Variants in NRXN3 observed in about 807,000 individuals in gnomAD.
NRXN3 encodes the protein neurexin III.
Under a neutral mutation model 137.6 loss-of-function variants are expected in NRXN3, and 32 were observed. The observed-to-expected ratio is 0.23, with a 90% CI of 0.18 to 0.31. NRXN3 has a LOEUF of 0.31. NRXN3 is among the 10% of genes least tolerant of loss of function. The probability of loss-of-function intolerance (pLI) is 1.00; values close to 1 mark genes in which losing one functional copy is unlikely to be tolerated. For synonymous variants in NRXN3, 798 were observed against 784.5 expected, an observed-to-expected ratio of 1.02 and a Z score of -0.29; for missense variants, 1,574 against 2,062.5, an observed-to-expected ratio of 0.76 and a Z score of 4.59.
intron 4 of NRXN3, among the ~76,000 whole-genome samples, chr14:78,431,005 C>T (rs1217340074): frequency 6.6e-6 from 1 of 152,126 alleles, no homozygotes; most frequent in Non-Finnish European, 1.5e-5. Flanking sequence ...CCCTTGTTTT[C>T]TAATTCTTAA....
intron 7 of NRXN3, among the ~76,000 whole-genome samples, chr14:78,711,681 T>A (rs772054213): frequency 2.6e-5 from 4 of 152,184 alleles, no homozygotes; most frequent in Non-Finnish European, 5.9e-5. Flanking sequence ...CCTCAGATGA[T>A]CAACCCATCT....
At chr14:78,220,411 A>G (rs568577412) in intron 1 of NRXN3, among the ~76,000 whole-genome samples, 1 of 152,204 alleles carries the variant, frequency 6.6e-6, no homozygotes, top group East Asian at 1.9e-4. Flanking sequence ...ATGCAGCAGG[A>G]AGGCCTGGGA....
intron 16 of NRXN3, among the ~76,000 whole-genome samples, chr14:79,624,813 G>GT (rs202129385): frequency 0.033 from 4,482 of 136,190 alleles, 126 homozygotes; most frequent in Non-Finnish European, 0.048. Flanking sequence ...GTTTGTTTTT[G>GT]TTTTTTTTTA....
At chr14:78,171,461 C>A (rs1218165667) in intron 1 of NRXN3, among the ~76,000 whole-genome samples, 4 of 152,128 alleles carry the variant, frequency 2.6e-5, no homozygotes, top group Admixed American at 2.6e-4. Context: ...TGCCTGAAAA[C>A]TTCCACTCTG....
intron 15 of NRXN3, among the ~76,000 whole-genome samples, chr14:79,393,671 C>T (rs552317819): frequency 2.0e-5 from 3 of 152,088 alleles, no homozygotes; most frequent in African/African-American, 7.2e-5. Flanking sequence ...AAAAATTAAC[C>T]GGGCGTGGTG....
chr14:78,949,882 G>C lies in NRXN3; in HGVS notation c.2276-7360G>C, dbSNP rs569174178. The stretch of plus-strand genomic sequence containing the variant: ...TTTTTTCTGCATGCTAGGGCAAAAA[G>C]GTCAATTCACAAGAATACAGACTTA... On this transcript the variant is annotated intron_variant, in intron 10 of 20. Transcript: ENST00000335750. Among the ~76,000 whole-genome samples, 5 of 152,196 alleles carry C rather than the reference G, an allele frequency of 3.3e-5. No homozygotes were observed. In the East Asian group the frequency reaches 9.7e-4, roughly 29 times the overall value.
intron 10 of NRXN3, among the ~76,000 whole-genome samples, chr14:78,876,830 G>T (rs1441314233): frequency 6.6e-6 from 1 of 152,130 alleles, no homozygotes; most frequent in Non-Finnish European, 1.5e-5. Flanking sequence ...GTTTTACATA[G>T]TGCATTCCAC....
intron 15 of NRXN3, among the ~76,000 whole-genome samples, chr14:79,408,821 A>G (rs988888926): frequency 1.3e-5 from 2 of 151,956 alleles, no homozygotes; most frequent in Admixed American, 6.6e-5. Flanking sequence ...CTCTCCCTGG[A>G]ATTTCTGGTC....
intron 1 of NRXN3, among the ~76,000 whole-genome samples, chr14:78,203,015 C>T (rs1249725786): frequency 6.6e-6 from 1 of 152,182 alleles, no homozygotes; most frequent in Non-Finnish European, 1.5e-5. Context: ...ACTTCTCTGG[C>T]TGGGGATGGG....
At chr14:78,234,994 T>TTTTATATATATA (rs1411362918) in intron 1 of NRXN3, among the ~76,000 whole-genome samples, 1 of 108,784 alleles carries the variant, frequency 9.2e-6, no homozygotes, top group African/African-American at 3.3e-5. Flanking sequence ...ACAAATGCTT[T>TTTTATATATATA]TATATATATA....
intron 19 of NRXN3, among the ~76,000 whole-genome samples, chr14:79,788,806 G>A (rs1304900855): frequency 1.3e-5 from 2 of 152,178 alleles, no homozygotes; most frequent in East Asian, 3.9e-4. Flanking sequence ...GCTAAAGGGA[G>A]CATTTTATTT....
At chr14:79,141,783 A>G (rs2058807218) in intron 15 of NRXN3, among the ~76,000 whole-genome samples, 1 of 152,192 alleles carries the variant, frequency 6.6e-6, no homozygotes, top group Non-Finnish European at 1.5e-5. Flanking sequence ...GTATTTATTT[A>G]AAAATTATAA....
intron 3 of NRXN3, chr14:78,283,032 C>G (rs940280811): frequency 3.3e-5 from 5 of 152,258 alleles, no homozygotes; most frequent in Admixed American, 3.3e-4. Context: ...CATTTGGGAC[C>G]AACAGGGCTG....
At chr14:78,544,430 C>A (rs1354417756) in intron 4 of NRXN3, among the ~76,000 whole-genome samples, 1 of 152,204 alleles carries the variant, frequency 6.6e-6, no homozygotes, top group African/African-American at 2.4e-5. Flanking sequence ...AGTGAACAAA[C>A]CCCTGCCTGA....
chr14:78,872,119 T>A (rs2099102718), intron 10 of NRXN3, among the ~76,000 whole-genome samples: 1 of 151,778 alleles, frequency 6.6e-6, no homozygotes, highest in South Asian at 2.1e-4. Flanking sequence ...GGTGCTATTT[T>A]TATTTTGATG....
At chr14:79,539,684 C>G (rs10133939) in intron 16 of NRXN3, among the ~76,000 whole-genome samples, 140,911 of 152,218 alleles carry the variant, frequency 0.93, 66,202 homozygotes, top group East Asian at 1. Flanking sequence ...ATAACATAAT[C>G]CTGAGTCTAT....
At chr14:79,624,574 T>A (rs903483625) in intron 16 of NRXN3, among the ~76,000 whole-genome samples, 1 of 152,114 alleles carries the variant, frequency 6.6e-6, no homozygotes, top group Non-Finnish European at 1.5e-5. Context: ...CATGATACAA[T>A]ACAGTAGTAG....
chr14:79,512,717 T>C (rs1164785945), intron 16 of NRXN3, among the ~76,000 whole-genome samples: 1 of 152,192 alleles, frequency 6.6e-6, no homozygotes, highest in Non-Finnish European at 1.5e-5. Flanking sequence ...TTGGAAGGTA[T>C]AATTAATATG....
At chr14:79,104,707 G>A (rs567265578) in intron 15 of NRXN3, among the ~76,000 whole-genome samples, 20 of 152,134 alleles carry the variant, frequency 1.3e-4, no homozygotes, top group African/African-American at 4.6e-4. Flanking sequence ...TTCTGGCAGG[G>A]AGTTTAGAGC....
Sources: allele counts gnomAD v4.1 joint callset (sites outside exome capture counted in the v4.1 genomes callset), GRCh38; gene constraint gnomAD v4.1.1; transcripts MANE v1.5; gene names NCBI Gene and HGNC (gene_info 2026-07-23, HGNC 2026-07-21).